The following ARHGEF3 variants were observed in gnomAD, a reference collection of about 807,000 sequenced individuals.
The protein encoded by ARHGEF3 is 59.8 kDA protein.
ARHGEF3 carries 28 observed loss-of-function variants against 63.2 expected under a neutral mutation model. The ratio of observed to expected loss-of-function variants is 0.44; its 90% CI spans 0.33 to 0.61. ARHGEF3 has a LOEUF of 0.61. Ranked by LOEUF, ARHGEF3 falls within the 20% of genes least tolerant of loss-of-function variation. ARHGEF3 has a pLI of 0.03. For synonymous variants in ARHGEF3, 266 were observed against 254.2 expected, an observed-to-expected ratio of 1.05 and a Z score of -0.44; for missense variants, 533 against 659.3, an observed-to-expected ratio of 0.81 and a Z score of 2.10.
chr3:56,944,665 C>A (rs975571172), intron 3 of ARHGEF3, among the ~76,000 whole-genome samples: 1 of 146,178 alleles, frequency 6.8e-6, no homozygotes, highest in Non-Finnish European at 1.5e-5. Context: ...CAACCTCTGC[C>A]TCCCGGGTAC....
intron 3 of ARHGEF3, among the ~76,000 whole-genome samples, chr3:56,754,746 C>T (rs2034967668): frequency 6.6e-6 from 1 of 152,180 alleles, no homozygotes; most frequent in Non-Finnish European, 1.5e-5. Context: ...CACTTGGTTT[C>T]ATCTTCTTGT....
At chr3:56,837,245 C>T (rs991615192) in intron 4 of ARHGEF3, among the ~76,000 whole-genome samples, 9 of 152,108 alleles carry the variant, frequency 5.9e-5, no homozygotes, top group African/African-American at 2.2e-4. Context: ...AGAGACTTTA[C>T]TTAAAAGGAA....
chr3:56,875,943 G>GGGT (rs112014759), intron 4 of ARHGEF3, among the ~76,000 whole-genome samples: 7 of 152,192 alleles, frequency 4.6e-5, no homozygotes, highest in African/African-American at 7.2e-5. Flanking sequence ...TGTGAGAGTG[G>GGGT]GGTGGTGGTG....
intron 1 of ARHGEF3, among the ~76,000 whole-genome samples, chr3:57,036,953 C>T (rs1449511609): frequency 2.0e-5 from 3 of 152,246 alleles, no homozygotes; most frequent in African/African-American, 4.8e-5. Flanking sequence ...GCAGGACCTA[C>T]AGGATACCTG....
chr3:57,073,688 G>C, intron 1 of ARHGEF3: 1 of 1,601,550 alleles, frequency 6.2e-7, no homozygotes, highest in Admixed American at 1.7e-5. Context: ...TTTTTGACTT[G>C]GGCCCCATGT....
intron 4 of ARHGEF3, among the ~76,000 whole-genome samples, chr3:56,823,849 G>C (rs1179532683): frequency 6.6e-6 from 1 of 152,062 alleles, no homozygotes; most frequent in Non-Finnish European, 1.5e-5. Context: ...CCATTTGTGA[G>C]TCTATGTGGT....
intron 3 of ARHGEF3, among the ~76,000 whole-genome samples, chr3:56,933,882 G>A: frequency 6.6e-6 from 1 of 152,114 alleles, no homozygotes; most frequent in Non-Finnish European, 1.5e-5. Context: ...TTGGATCATG[G>A]GGGCAGTTTC....
Position 56,993,364 on chromosome 3 carries a change from T to G in ARHGEF3, c.63-34475A>C, listed in dbSNP as rs563812036. Among the ~76,000 whole-genome samples, 3 of 151,328 alleles carry G rather than the reference T, an allele frequency of 2.0e-5. No individual in the cohort carries two copies. In the South Asian group the frequency reaches 6.3e-4, roughly 32 times the overall value. ...CCTTAACTATATAACTTTGTGGGGG[T>G]TTTTTGTTGTGCTTTTGTTTTTGTT... On this transcript the variant is annotated intron_variant, in intron 2 of 12. Coordinates refer to the ARHGEF3 transcript ENST00000338458.
intron 1 of ARHGEF3, among the ~76,000 whole-genome samples, chr3:57,055,626 T>A (rs927325990): frequency 2.0e-5 from 3 of 152,152 alleles, no homozygotes; most frequent in African/African-American, 7.2e-5. Flanking sequence ...AGAAGTGAGG[T>A]AGGATATACT....
intron 2 of ARHGEF3, among the ~76,000 whole-genome samples, chr3:56,992,028 G>C (rs34949828): frequency 0.53 from 63,442 of 119,470 alleles, 15,575 homozygotes; most frequent in East Asian, 0.78. Context: ...CTCTCTCTGT[G>C]TGTGTGTGTG....
chr3:56,910,544 G>A (rs2041828347), intron 3 of ARHGEF3, among the ~76,000 whole-genome samples: 1 of 152,084 alleles, frequency 6.6e-6, no homozygotes, highest in Non-Finnish European at 1.5e-5. Context: ...ATATGTTTTA[G>A]GAAACACATT....
At chr3:56,821,949 A>G (rs2038511204) in intron 4 of ARHGEF3, among the ~76,000 whole-genome samples, 1 of 149,920 alleles carries the variant, frequency 6.7e-6, no homozygotes, top group Non-Finnish European at 1.5e-5. Context: ...GACGACAGAG[A>G]AAGACTCTGT....
chr3:56,962,177 A>G (rs1700308475), intron 2 of ARHGEF3, among the ~76,000 whole-genome samples: 1 of 152,214 alleles, frequency 6.6e-6, no homozygotes, highest in Non-Finnish European at 1.5e-5. Flanking sequence ...GGAGAACCAT[A>G]CTGATGAGAA....
intron 3 of ARHGEF3, among the ~76,000 whole-genome samples, chr3:56,931,237 G>C (rs1045468777): frequency 6.6e-6 from 1 of 152,138 alleles, no homozygotes. Flanking sequence ...CACAAGTTCC[G>C]TGATGGGAAA....
At chr3:56,798,398 A>C (rs750102750) in intron 1 of ARHGEF3, among the ~76,000 whole-genome samples, 8 of 152,268 alleles carry the variant, frequency 5.3e-5, no homozygotes, top group Non-Finnish European at 8.8e-5. Context: ...ATATATTCTT[A>C]CAAAAATAAC....
intron 2 of ARHGEF3, among the ~76,000 whole-genome samples, chr3:56,983,356 C>T (rs1701404467): frequency 6.6e-6 from 1 of 152,122 alleles, no homozygotes; most frequent in African/African-American, 2.4e-5. Context: ...TTGGGGTCTC[C>T]ATCCCTCCCC....
At chr3:57,032,824 G>A (rs1047222695) in intron 2 of ARHGEF3, among the ~76,000 whole-genome samples, 2 of 152,146 alleles carry the variant, frequency 1.3e-5, no homozygotes, top group African/African-American at 4.8e-5. Flanking sequence ...TCTCCTGGGG[G>A]AGTATAAGTA....
chr3:56,863,460 C>T (rs1033156978), intron 4 of ARHGEF3, among the ~76,000 whole-genome samples: 1 of 152,130 alleles, frequency 6.6e-6, no homozygotes, highest in Non-Finnish European at 1.5e-5. Context: ...CCACCATGCC[C>T]GGCTAATTTT....
intron 3 of ARHGEF3, among the ~76,000 whole-genome samples, chr3:56,953,994 G>C (rs1422435485): frequency 6.6e-6 from 1 of 152,044 alleles, no homozygotes; most frequent in East Asian, 1.9e-4. Context: ...AATATACAAG[G>C]TCTCATTTTC....
Sources: gnomAD v4.1 joint callset for allele counts (sites outside exome capture counted in the v4.1 genomes callset) on GRCh38, gnomAD v4.1.1 for gene constraint, MANE v1.5 for transcripts, NCBI Gene and HGNC (gene_info 2026-07-23, HGNC 2026-07-21) for gene names.